Variants in OXR1 observed in about 807,000 individuals in gnomAD.
The protein encoded by OXR1 is oxidation resistance 1.
In OXR1, 41 loss-of-function variants were observed where a neutral mutation model predicts 104.6. That is an observed-to-expected ratio of 0.39 (90% CI 0.31 to 0.51). The LOEUF (loss-of-function observed/expected upper bound fraction) is 0.51. OXR1 is among the 20% of genes least tolerant of loss of function. The pLI is 0.77. For missense variants in OXR1, 955 were observed against 1,031.9 expected (o/e 0.93, Z 1.02); for synonymous variants, 348 against 348.4 (o/e 1.00, Z 0.01).
chr8:106,344,961 C>T (rs961740441), intron 1 of OXR1, among the ~76,000 whole-genome samples: 1 of 152,186 alleles, frequency 6.6e-6, no homozygotes, highest in African/African-American at 2.4e-5. Context: ...TTAGTGAACA[C>T]CTTCCTGGAA....
chr8:106,737,857 G>A (rs779107857), intron 12 of OXR1, among the ~76,000 whole-genome samples: 21 of 152,106 alleles, frequency 1.4e-4, no homozygotes, highest in African/African-American at 4.1e-4. Context: ...TTCTTTCAGC[G>A]ATGAGGAGTT....
intron 2 of OXR1, among the ~76,000 whole-genome samples, chr8:106,508,184 A>T (rs1670380): frequency 0.52 from 78,389 of 152,014 alleles, 22,452 homozygotes; most frequent in Non-Finnish European, 0.65. Flanking sequence ...GAGGGAATGC[A>T]ATTAGGTTTA....
At chr8:106,377,527 G>C (rs1472208094) in intron 2 of OXR1, among the ~76,000 whole-genome samples, 1 of 152,110 alleles carries the variant, frequency 6.6e-6, no homozygotes. Flanking sequence ...GACGCAATCA[G>C]GGTAAGTTAG....
chr8:106,436,733 T>C (rs1819588538), intron 2 of OXR1, among the ~76,000 whole-genome samples: 2 of 152,190 alleles, frequency 1.3e-5, no homozygotes, highest in African/African-American at 4.8e-5. Context: ...TAGCCTTCCC[T>C]GCAGAAGTAG....
intron 3 of OXR1, among the ~76,000 whole-genome samples, chr8:106,671,330 C>T (rs186393716): frequency 2.0e-5 from 3 of 151,942 alleles, no homozygotes; most frequent in Non-Finnish European, 2.9e-5. Flanking sequence ...CCCAGAGATA[C>T]AATAATAATC....
At chr8:106,292,854 T>C (rs1168803663) in intron 1 of OXR1, among the ~76,000 whole-genome samples, 1 of 152,212 alleles carries the variant, frequency 6.6e-6, no homozygotes, top group Non-Finnish European at 1.5e-5. Context: ...CACTGAAGAA[T>C]GTTAAGCCCA....
At chr8:106,714,722 T>G (rs997294558) in intron 11 of OXR1, among the ~76,000 whole-genome samples, 2 of 152,124 alleles carry the variant, frequency 1.3e-5, no homozygotes, top group African/African-American at 4.8e-5. Flanking sequence ...CATTAGAAAA[T>G]GTAGAGCAGA....
At chr8:106,742,801 G>A (rs1452326651) in intron 15 of OXR1, among the ~76,000 whole-genome samples, 6 of 152,112 alleles carry the variant, frequency 3.9e-5, no homozygotes, top group African/African-American at 1.4e-4. Context: ...ATTAACTCAA[G>A]ATGGGATAGA....
chr8:106,705,393 A>G (rs1292735982), intron 8 of OXR1, among the ~76,000 whole-genome samples: 1 of 152,186 alleles, frequency 6.6e-6, no homozygotes, highest in Non-Finnish European at 1.5e-5. Context: ...AATTATGCAT[A>G]CTTGTTGCAG....
intron 2 of OXR1, among the ~76,000 whole-genome samples, chr8:106,471,878 G>A (rs900542586): frequency 1.3e-4 from 20 of 151,768 alleles, no homozygotes; most frequent in Non-Finnish European, 2.1e-4. Context: ...CAGCATTGAC[G>A]TATGTCCTTT....
intron 2 of OXR1, among the ~76,000 whole-genome samples, chr8:106,449,126 A>T (rs897808997): frequency 2.6e-5 from 4 of 152,140 alleles, no homozygotes; most frequent in African/African-American, 9.7e-5. Flanking sequence ...AACTTAATTT[A>T]AAAAATATAA....
chr8:106,622,320 A>G (rs537745136), intron 3 of OXR1, among the ~76,000 whole-genome samples: 1 of 152,034 alleles, frequency 6.6e-6, no homozygotes, highest in African/African-American at 2.4e-5. Context: ...TTGCTCCCCA[A>G]TCCCCACCCC....
At chr8:106,330,660 G>C (rs1814675611) in intron 1 of OXR1, among the ~76,000 whole-genome samples, 1 of 152,130 alleles carries the variant, frequency 6.6e-6, no homozygotes, top group South Asian at 2.1e-4. Flanking sequence ...ATTATGACTT[G>C]TCTTCTTAAG....
At chr8:106,560,175 T>G (rs112538188) in intron 3 of OXR1, among the ~76,000 whole-genome samples, 37 of 152,296 alleles carry the variant, frequency 2.4e-4, no homozygotes, top group African/African-American at 8.7e-4. Context: ...AAATGATTCC[T>G]AGTGGTACTA....
At chr8:106,311,283 A>C (rs1813689184) in intron 1 of OXR1, among the ~76,000 whole-genome samples, 1 of 152,090 alleles carries the variant, frequency 6.6e-6, no homozygotes, top group South Asian at 2.1e-4. Context: ...AGTGTTCTAA[A>C]GTTTTCCTCT....
In OXR1 at chr8:106,382,528, G is replaced by A. The variant is rs551634809; in HGVS notation, c.23+22892G>A. ...GTCCCAGTCACAGGCCTTCTGAACA[G>A]CATTTTTGCGCTTGTTAGGACCTAG... is the stretch of plus-strand genomic sequence containing the variant. On this transcript the variant is annotated intron_variant, in intron 2 of 16. Coordinates refer to ENST00000517566, the MANE Select transcript of OXR1 (RefSeq NM_001198533.2). 1.4e-4 allele frequency among the ~76,000 whole-genome samples: 22 copies of A among 152,070 alleles called. No individual in the cohort carries two copies. In the South Asian group the frequency reaches 4.2e-3, roughly 29 times the overall value.
At chr8:106,509,393 A>G (rs551370157) in intron 2 of OXR1, among the ~76,000 whole-genome samples, 1 of 152,250 alleles carries the variant, frequency 6.6e-6, no homozygotes, top group Non-Finnish European at 1.5e-5. Context: ...GGGAAAACCC[A>G]TACAAATTTT....
intron 2 of OXR1, among the ~76,000 whole-genome samples, chr8:106,436,284 T>TAAA (rs1431547489): frequency 6.6e-6 from 1 of 152,086 alleles, no homozygotes; most frequent in Non-Finnish European, 1.5e-5. Context: ...AGTCTACATA[T>TAAA]AAAACTGGAA....
rs537308237 is a variant in OXR1 at position 106,469,971 on chromosome 8, T to C, written c.24-48972T>C. On this transcript the variant is annotated intron_variant, in intron 2 of 16. Transcript: ENST00000517566. ...AAACAGGTATCTGTGGGGGAAGCAT[T>C]TTAGGCAGGGCAAGTAGGTAGAACA... Among the ~76,000 whole-genome samples the C allele has an allele frequency of 5.3e-5, 8 of 151,780 alleles. No homozygotes were observed. The East Asian group carries it at 1.6e-3, about 30-fold the overall frequency.
Sources: gnomAD v4.1 joint callset for allele counts (sites outside exome capture counted in the v4.1 genomes callset) on GRCh38, gnomAD v4.1.1 for gene constraint, MANE v1.5 for transcripts, NCBI Gene and HGNC (gene_info 2026-07-23, HGNC 2026-07-21) for gene names.